GXYLT1: variants seen among roughly 807,000 people sequenced by gnomAD.
The protein encoded by GXYLT1 is glucoside xylosyltransferase 1.
Under a neutral mutation model 54.0 loss-of-function variants are expected in GXYLT1, and 29 were observed. The observed-to-expected ratio is 0.54, with a 90% CI of 0.40 to 0.73. The LOEUF is 0.73. Among genes scored for constraint, GXYLT1 ranks in the 30% least tolerant of loss-of-function variants. GXYLT1 has a pLI of 0.00. For synonymous variants in GXYLT1, 176 were observed against 204.1 expected (o/e 0.86, Z 1.17); for missense variants, 490 against 553.4 (o/e 0.89, Z 1.15).
intron 7 of GXYLT1, among the ~76,000 whole-genome samples, chr12:42,094,826 G>A (rs1183537047): frequency 1.3e-5 from 2 of 152,034 alleles, no homozygotes; most frequent in Non-Finnish European, 1.5e-5. Context: ...TTAAAGGGAG[G>A]AGAGGGCAAG....
In GXYLT1 at chr12:42,097,610, G is replaced by A. The variant is rs370105761; in HGVS notation, c.993C>T (p.Ser331=). The A allele has an allele frequency of 3.1e-6, 5 of 1,604,702 alleles. No homozygotes were observed. The highest frequency in any genetic ancestry group is 4.2e-6 in the Non-Finnish European group (5 of 1,177,314). ...TCCATTGACACGGAAAAACAAAAAG[G>A]CTTTCTACATAAAGAAAAGACCAAA... ...LNIVFFHNPE[S]LFVFPCQWNY... is the part of the protein sequence containing the mutation. The change falls in exon 7 of 8, where the codon AGC becomes AGT. Residue 331 remains serine (S), a synonymous_variant. Coordinates refer to ENST00000398675, the MANE Select transcript of GXYLT1 (RefSeq NM_173601.2).
chr12:42,140,342 G>C (rs954849998), intron 1 of GXYLT1, among the ~76,000 whole-genome samples: 1 of 151,640 alleles, frequency 6.6e-6, no homozygotes, highest in African/African-American at 2.4e-5. Flanking sequence ...TGATTTAACA[G>C]GTCTTAACTG....
chr12:42,118,942 T>G, intron 3 of GXYLT1, 58 bp downstream of exon 3: 3 of 1,229,430 alleles, frequency 2.4e-6, no homozygotes, highest in Non-Finnish European at 3.4e-6. Flanking sequence ...CAACATTCTA[T>G]TATAGTATAT....
chr12:42,113,252 T>A (rs1332236216), intron 3 of GXYLT1, among the ~76,000 whole-genome samples: 1 of 151,130 alleles, frequency 6.6e-6, no homozygotes, highest in African/African-American at 2.5e-5. Flanking sequence ...GCTAACATCG[T>A]AATGACAGGA....
At chr12:42,101,853 T>A (rs970458074) in intron 5 of GXYLT1, among the ~76,000 whole-genome samples, 4 of 152,164 alleles carry the variant, frequency 2.6e-5, no homozygotes, top group African/African-American at 7.2e-5. Context: ...ATTACAGGCA[T>A]GAGCCACTGC....
chr12:42,140,744 T>G (rs963341231), intron 1 of GXYLT1, among the ~76,000 whole-genome samples: 1 of 152,154 alleles, frequency 6.6e-6, no homozygotes, highest in South Asian at 2.1e-4. Context: ...AGGAGACACA[T>G]AAGGAGACTC....
At chr12:42,127,428 A>T (rs2065569607) in intron 2 of GXYLT1, among the ~76,000 whole-genome samples, 1 of 152,198 alleles carries the variant, frequency 6.6e-6, no homozygotes. Context: ...AAGGCATATA[A>T]CTTCTGAAGT....
intron 4 of GXYLT1, among the ~76,000 whole-genome samples, chr12:42,108,044 T>C (rs1431355082): frequency 6.6e-6 from 1 of 150,690 alleles, no homozygotes; most frequent in Non-Finnish European, 1.5e-5. Context: ...TATAAAAAAA[T>C]AAAGCACCAA....
chr12:42,123,966 A>G (rs555394898), intron 2 of GXYLT1, among the ~76,000 whole-genome samples: 1 of 151,480 alleles, frequency 6.6e-6, no homozygotes, highest in Middle Eastern at 3.4e-3. Context: ...AAAAAAAAAG[A>G]GTTGTGCTAA....
chr12:42,140,831 G>A (rs1360861784), intron 1 of GXYLT1, among the ~76,000 whole-genome samples: 1 of 152,216 alleles, frequency 6.6e-6, no homozygotes, highest in Non-Finnish European at 1.5e-5. Context: ...CAATACTGCT[G>A]TATAGCCACA....
chr12:42,126,008 CAA>C (rs1555142373), intron 2 of GXYLT1, among the ~76,000 whole-genome samples: 4 of 151,202 alleles, frequency 2.6e-5, no homozygotes, highest in Non-Finnish European at 5.9e-5. Flanking sequence ...GCCTGGGCGA[CAA>C]AGTGAGACTA....
chr12:42,124,522 C>T (rs1043313522), intron 2 of GXYLT1, among the ~76,000 whole-genome samples: 1 of 151,530 alleles, frequency 6.6e-6, no homozygotes, highest in Non-Finnish European at 1.5e-5. Flanking sequence ...AAGAAAAAAG[C>T]TAACTAAATG....
At chr12:42,126,126 T>G (rs972060848) in intron 2 of GXYLT1, among the ~76,000 whole-genome samples, 21 of 147,672 alleles carry the variant, frequency 1.4e-4, no homozygotes, top group Admixed American at 6.9e-4. Context: ...CAGGCTGGAG[T>G]GCAGCGGTGT....
chr12:42,132,008 A>C lies in GXYLT1; in HGVS notation c.222-2157T>G, dbSNP rs546134347. Among the ~76,000 whole-genome samples the C allele has an allele frequency of 1.2e-3, 186 of 152,368 alleles. 2 individuals are homozygous for C. The highest frequency in any genetic ancestry group is 2.4e-3 in the Admixed American group (37 of 15,306). ...TATTCCATATCCCCTGTCAAACTCT[A>C]CAACAGTGAAACATGGAAATAGAAA... On this transcript the variant is annotated intron_variant, in intron 1 of 7. Coordinates refer to ENST00000398675, the MANE Select transcript of GXYLT1 (RefSeq NM_173601.2).
Position 42,117,522 on chromosome 12 carries a change from G to T in GXYLT1, c.486+1478C>A, listed in dbSNP as rs73128024. 6.0e-3 allele frequency among the ~76,000 whole-genome samples: 912 copies of T among 151,946 alleles called. 5 individuals carry two copies. Among genetic ancestry groups the T allele is most frequent in the Middle Eastern group, 0.024 (7 of 294 alleles). ...TTGCACTTGACATGCAAAATGAACT[G>T]ATTTAACCTGAAAAAAACATCAAAT... On this transcript the variant is annotated intron_variant, in intron 3 of 7. Coordinates refer to ENST00000398675, the MANE Select transcript of GXYLT1 (RefSeq NM_173601.2).
rs1221617564 is a variant in GXYLT1 at position 42,087,676 on chromosome 12, T to A, written c.*110A>T. ...CTTAACTTCTTTAGGAAAAAAAAAA[T>A]TATTCTGGAGATGAGTAATTCCTTC... On this transcript the variant is annotated 3_prime_UTR_variant, in exon 8 of 8. Transcript: ENST00000398675. 22 of 749,214 alleles carry A rather than the reference T, an allele frequency of 2.9e-5. No homozygotes were observed. The highest frequency in any genetic ancestry group is 4.3e-5 in the Non-Finnish European group (21 of 485,646). 46.4% of individuals were successfully genotyped at this position (749,214 alleles called of 1,614,324 possible). A position where few individuals can be genotyped will look rare whatever the true frequency, so the allele number is the denominator to read the frequency against.
chr12:42,136,745 G>T (rs988910245), intron 1 of GXYLT1, among the ~76,000 whole-genome samples: 5 of 48,802 alleles, frequency 1.0e-4, no homozygotes. Flanking sequence ...ATTACAGGAG[G>T]TTTTTTATAC....
chr12:42,102,047 C>T (rs2065393156), intron 5 of GXYLT1, among the ~76,000 whole-genome samples: 1 of 152,136 alleles, frequency 6.6e-6, no homozygotes, highest in Non-Finnish European at 1.5e-5. Context: ...ACATTTAAAA[C>T]AGAAAACTGT....
At chr12:42,118,607 C>T (rs891293063) in intron 3 of GXYLT1, among the ~76,000 whole-genome samples, 1 of 152,220 alleles carries the variant, frequency 6.6e-6, no homozygotes, top group Non-Finnish European at 1.5e-5. Flanking sequence ...CCACTCAAAT[C>T]TCATCTCAAA....
Sources: gnomAD v4.1 joint callset for allele counts (sites outside exome capture counted in the v4.1 genomes callset) on GRCh38, gnomAD v4.1.1 for gene constraint, MANE v1.5 for transcripts, NCBI Gene and HGNC (gene_info 2026-07-23, HGNC 2026-07-21) for gene names.